Variants in FRMD4A observed in about 807,000 individuals in gnomAD.
FRMD4A encodes the protein FERM domain-containing protein 4A.
In FRMD4A, 29 loss-of-function variants were observed where a neutral mutation model predicts 129.1. That is an observed-to-expected ratio of 0.22 (90% CI 0.17 to 0.31). The LOEUF (loss-of-function observed/expected upper bound fraction) is 0.31. FRMD4A is among the 10% of genes least tolerant of loss of function. The pLI, the probability that FRMD4A is intolerant of heterozygous loss-of-function variation, is 1.00. For missense variants in FRMD4A, 1,272 were observed against 1,375.8 expected (o/e 0.92, Z 1.19); for synonymous variants, 634 against 571.6 (o/e 1.11, Z -1.56).
At chr10:14,189,920 T>C (rs1842265216) in intron 2 of FRMD4A, among the ~76,000 whole-genome samples, 1 of 152,214 alleles carries the variant, frequency 6.6e-6, no homozygotes, top group South Asian at 2.1e-4. Context: ...GAGAGATTTC[T>C]ATCTATCTTA....
intron 2 of FRMD4A, among the ~76,000 whole-genome samples, chr10:13,979,235 T>C (rs1196778751): frequency 6.6e-6 from 1 of 152,194 alleles, no homozygotes; most frequent in Non-Finnish European, 1.5e-5. Context: ...AGGGGTTACA[T>C]GCAGGTCTGG....
At chr10:14,095,298 G>A (rs560226445) in intron 2 of FRMD4A, among the ~76,000 whole-genome samples, 3 of 152,294 alleles carry the variant, frequency 2.0e-5, no homozygotes, top group Non-Finnish European at 4.4e-5. Context: ...ACGAGTTCAA[G>A]TTTTAAAAGA....
At chr10:13,658,770 T>C (rs986534129) in intron 21 of FRMD4A, among the ~76,000 whole-genome samples, 5 of 151,188 alleles carry the variant, frequency 3.3e-5, no homozygotes, top group Admixed American at 2.6e-4. Context: ...TAATCCCACC[T>C]ACTTGGGAGG....
At chr10:14,142,302 A>C (rs553555013) in intron 2 of FRMD4A, among the ~76,000 whole-genome samples, 2 of 152,322 alleles carry the variant, frequency 1.3e-5, no homozygotes, top group South Asian at 4.1e-4. Flanking sequence ...TGTTGAGCAC[A>C]GGTTTTCTAA....
intron 14 of FRMD4A, among the ~76,000 whole-genome samples, chr10:13,696,158 A>G (rs180849887): frequency 2.2e-4 from 34 of 152,348 alleles, no homozygotes; most frequent in Admixed American, 2.0e-3. Flanking sequence ...TCATAAAACA[A>G]TCCTGGCTGC....
At chr10:14,177,797 G>C (rs1037565369) in intron 2 of FRMD4A, among the ~76,000 whole-genome samples, 1 of 152,166 alleles carries the variant, frequency 6.6e-6, no homozygotes, top group Non-Finnish European at 1.5e-5. Context: ...CACTTAGGGA[G>C]GGTAGAACTT....
At chr10:13,735,588 G>A (rs1258811433) in intron 12 of FRMD4A, among the ~76,000 whole-genome samples, 2 of 152,146 alleles carry the variant, frequency 1.3e-5, no homozygotes, top group African/African-American at 4.8e-5. Flanking sequence ...ACCTCAATTA[G>A]AGGAATAAAG....
chr10:13,967,639 C>A (rs977387973), intron 2 of FRMD4A, among the ~76,000 whole-genome samples: 1 of 152,236 alleles, frequency 6.6e-6, no homozygotes, highest in South Asian at 2.1e-4. Flanking sequence ...TGAGTCAGTC[C>A]TCATGGTCGT....
At chr10:13,932,967 C>T (rs1391750672) in intron 2 of FRMD4A, among the ~76,000 whole-genome samples, 1 of 152,072 alleles carries the variant, frequency 6.6e-6, no homozygotes, top group Non-Finnish European at 1.5e-5. Flanking sequence ...TCGAGACCAT[C>T]CTGGCCAACA....
At chr10:14,110,553 G>C (rs918393711) in intron 2 of FRMD4A, among the ~76,000 whole-genome samples, 1 of 152,134 alleles carries the variant, frequency 6.6e-6, no homozygotes, top group African/African-American at 2.4e-5. Flanking sequence ...CCCATTTATT[G>C]AGACGGCAAG....
At chr10:13,745,271 A>G (rs2091231629) in intron 9 of FRMD4A, among the ~76,000 whole-genome samples, 1 of 152,214 alleles carries the variant, frequency 6.6e-6, no homozygotes, top group African/African-American at 2.4e-5. Flanking sequence ...AACCACAGTG[A>G]AATGAGGTGA....
At chr10:14,132,950 C>T (rs1172370485) in intron 2 of FRMD4A, among the ~76,000 whole-genome samples, 4 of 152,218 alleles carry the variant, frequency 2.6e-5, no homozygotes, top group Non-Finnish European at 5.9e-5. Context: ...AAAGACAAGG[C>T]AGCCATCCTG....
At chr10:14,015,342 C>G (rs1261373429) in intron 2 of FRMD4A, among the ~76,000 whole-genome samples, 1 of 143,802 alleles carries the variant, frequency 7.0e-6, no homozygotes, top group Admixed American at 7.2e-5. Flanking sequence ...TGCTTCCTCT[C>G]TTTCTTCCCT....
At chr10:13,750,408 T>C (rs1440029103) in intron 8 of FRMD4A, among the ~76,000 whole-genome samples, 1 of 152,082 alleles carries the variant, frequency 6.6e-6, no homozygotes, top group African/African-American at 2.4e-5. Context: ...AACCAGAAGG[T>C]GCCCACGATT....
chr10:14,025,733 C>T (rs1022308681), intron 2 of FRMD4A, among the ~76,000 whole-genome samples: 1 of 152,172 alleles, frequency 6.6e-6, no homozygotes, highest in African/African-American at 2.4e-5. Flanking sequence ...TACTTAGTGT[C>T]TCTATCAATT....
intron 2 of FRMD4A, among the ~76,000 whole-genome samples, chr10:13,873,032 C>T (rs993307674): frequency 7.3e-5 from 11 of 151,656 alleles, no homozygotes; most frequent in Non-Finnish European, 7.4e-5. Flanking sequence ...AAAAATTAGC[C>T]GGGCATGGTG....
At chr10:14,064,751 T>C (rs892059080) in intron 2 of FRMD4A, among the ~76,000 whole-genome samples, 1 of 152,074 alleles carries the variant, frequency 6.6e-6, no homozygotes, top group African/African-American at 2.4e-5. Flanking sequence ...CTATTGTTTG[T>C]ATTTTTAGTA....
intron 2 of FRMD4A, among the ~76,000 whole-genome samples, chr10:14,156,300 T>A (rs1256580420): frequency 2.0e-5 from 3 of 152,098 alleles, no homozygotes; most frequent in African/African-American, 7.2e-5. Context: ...ACACCCACGA[T>A]GAATTAATTA....
At chr10:13,981,649 G>A (rs1480003771) in intron 2 of FRMD4A, among the ~76,000 whole-genome samples, 1 of 148,106 alleles carries the variant, frequency 6.8e-6, no homozygotes, top group Non-Finnish European at 1.5e-5. Flanking sequence ...TGAGGCAGGA[G>A]AATCGTTTCA....
Sources: allele counts gnomAD v4.1 joint callset (sites outside exome capture counted in the v4.1 genomes callset), GRCh38; gene constraint gnomAD v4.1.1; transcripts MANE v1.5; gene names NCBI Gene and HGNC (gene_info 2026-07-23, HGNC 2026-07-21).